Variants in SBF1 observed in about 807,000 individuals in gnomAD.
The protein encoded by SBF1 is SET binding factor 1, also known as myotubularin-related protein 5.
In SBF1, 65 loss-of-function variants were observed where a neutral mutation model predicts 215.8. The observed-to-expected ratio is 0.30, with a 90% confidence interval of 0.25 to 0.37. The LOEUF (loss-of-function observed/expected upper bound fraction) is 0.37. SBF1 is among the 10% of genes least tolerant of loss of function. SBF1 has a pLI of 1.00. For synonymous variants in SBF1, 1,410 were observed against 1,122.8 expected, an observed-to-expected ratio of 1.26 and a Z score of -5.11; for missense variants, 2,634 against 2,667.8, an observed-to-expected ratio of 0.99 and a Z score of 0.28.
intron 36 of SBF1, among the ~76,000 whole-genome samples, chr22:50,450,846 G>A (rs565917720): frequency 2.6e-5 from 4 of 152,006 alleles, no homozygotes; most frequent in African/African-American, 7.3e-5. Context: ...AGTGGCTCCC[G>A]CCTGTAAGCC....
chr22:50,455,905 C>G (rs539275798), intron 31 of SBF1: 8 of 560,350 alleles, frequency 1.4e-5, no homozygotes, highest in African/African-American at 1.3e-4. Context: ...TACCCACCCC[C>G]GAGAGAATGC....
At chr22:50,451,166 C>CAAAAAAAAAAA (rs58188399) in intron 36 of SBF1, among the ~76,000 whole-genome samples, 2 of 83,178 alleles carry the variant, frequency 2.4e-5, no homozygotes, top group African/African-American at 1.1e-4. Flanking sequence ...CCCATCTCTA[C>CAAAAAAAAAAA]AAAAAAAAAA....
chr22:50,467,186 A>G, intron 5 of SBF1, 152 bp downstream of exon 5: 1 of 652,088 alleles, frequency 1.5e-6, no homozygotes, highest in Non-Finnish European at 2.7e-6. Context: ...TAAGCAGGCC[A>G]GGACTGTTGG....
intron 28 of SBF1, among the ~76,000 whole-genome samples, chr22:50,458,047 C>T (rs566376219): frequency 1.3e-5 from 2 of 152,174 alleles, no homozygotes; most frequent in Non-Finnish European, 2.9e-5. Flanking sequence ...CGCCTGTAAT[C>T]CCAGCACTTT....
chr22:50,464,608 G>A lies in SBF1; in HGVS notation c.1562C>T (p.Ala521Val), dbSNP rs754774196. The A allele has an allele frequency of 1.2e-6, 2 of 1,611,518 alleles. No individual in the cohort carries two copies. The highest frequency in any genetic ancestry group is 2.2e-5 in the East Asian group (1 of 44,880). The change falls in exon 14 of 41, where the codon GCA becomes GTA. Residue 521 changes from alanine to valine, a missense_variant. Physicochemically the swap from Ala to Val is moderately conservative, Grantham distance 64 (BLOSUM62 0). Transcript: ENST00000380817. ...TGGGGGTGCACCCTGCATCTTGGCT[G>A]CAGCCTGGTCCACGATCCACTGCAC... ...GTVQWIVDQAAAKMQGAPPAV... is the reference protein window; with the variant it reads ...GTVQWIVDQAVAKMQGAPPAV...
rs372070515 is a variant in SBF1 at position 50,446,828 on chromosome 22, T to A, written c.*314A>T. The A allele has an allele frequency of 1.4e-6, 1 of 701,260 alleles. No individual in the cohort carries two copies. The highest frequency in any genetic ancestry group is 2.8e-5 in the East Asian group (1 of 36,200). The allele number at this position is 701,260 out of a possible 1,614,324, so 43.4% of individuals were successfully genotyped here. ...GCGTGGCGTTAGTTCTCTCTTTATA[T>A]AGACTCTGGTTCTAGAAACTCGCCT... On this transcript the variant is annotated 3_prime_UTR_variant, in exon 41 of 41. Transcript: ENST00000380817.
chr22:50,472,511 G>A (rs543370705), intron 1 of SBF1, among the ~76,000 whole-genome samples: 1 of 152,168 alleles, frequency 6.6e-6, no homozygotes, highest in African/African-American at 2.4e-5. Flanking sequence ...CTGCTGCTCA[G>A]TCACTAATGA....
chr22:50,460,824 G>A, intron 23 of SBF1, 112 bp from the exon 24 acceptor site: 10 of 1,220,414 alleles, frequency 8.2e-6, no homozygotes, highest in South Asian at 1.4e-5. Context: ...GAGAGAAGCA[G>A]GCCCCAGGCA....
rs2066717356 is a variant in SBF1 at position 50,445,062 on chromosome 22, C to T, written c.*2080G>A. ...GACAGGGCACCCCAAACCCCCAACT[C>T]CCAATAAAAGCCGTGACGTTCGGAC... On this transcript the variant is annotated 3_prime_UTR_variant, in exon 41 of 41. Coordinates refer to ENST00000380817, the MANE Select transcript of SBF1 (RefSeq NM_002972.4). The T allele has an allele frequency of 6.5e-6, 1 of 152,760 alleles. No homozygotes were observed. The highest frequency in any genetic ancestry group is 2.4e-5 in the African/African-American group (1 of 41,456). The allele number at this position is 152,760 out of a possible 1,614,324, so 9.5% of individuals were successfully genotyped here.
At position 50,456,219 on chromosome 22, in the gene SBF1, G is replaced by A. The variant is rs757499476; in HGVS notation, c.4263C>T (p.Ile1421=). The A allele has an allele frequency of 4.2e-5, 67 of 1,611,300 alleles. No individual in the cohort carries two copies. The highest frequency in any genetic ancestry group is 2.7e-4 in the East Asian group (12 of 44,878). Residue 1421 remains isoleucine (I), a synonymous_variant, in exon 31 of 41, where the codon ATC becomes ATT. Transcript: ENST00000380817. Reference sequence around the variant, plus strand: ...AGGGACGGGGCAGTGCAGAGACCTGGATCAGCCACTCTGAGTCCTCCAGTG... The same window carrying A: ...AGGGACGGGGCAGTGCAGAGACCTGAATCAGCCACTCTGAGTCCTCCAGTG... ...LRSLEDSEWL[I]QIHKLLQVSV... is the part of the protein sequence containing the mutation.
chr22:50,455,695 CAGCCCCCCA>C, intron 31 of SBF1, 113 bp from the exon 32 acceptor site: 1 of 853,898 alleles, frequency 1.2e-6, no homozygotes, highest in South Asian at 1.6e-5. Flanking sequence ...GCCCTGTCCA[CAGCCCCCCA>C]AGCCCTGTAT....
intron 36 of SBF1, among the ~76,000 whole-genome samples, chr22:50,454,266 G>A (rs1051799045): frequency 1.4e-4 from 22 of 152,192 alleles, no homozygotes; most frequent in African/African-American, 4.8e-4. Flanking sequence ...AGACCTGAGG[G>A]TCTCTGATGA....
At chr22:50,473,921 G>A (rs1287578153) in intron 1 of SBF1, among the ~76,000 whole-genome samples, 1 of 152,238 alleles carries the variant, frequency 6.6e-6, no homozygotes, top group Non-Finnish European at 1.5e-5. Context: ...GGCAACCCCG[G>A]TGGGCTGCTG....
In SBF1 at chr22:50,456,528, T is replaced by G. The variant is rs1324541689; in HGVS notation, c.4050A>C (p.Ala1350=). The G allele has an allele frequency of 8.4e-6, 12 of 1,425,740 alleles. No individual in the cohort carries two copies. The highest frequency in any genetic ancestry group is 1.1e-5 in the Non-Finnish European group (12 of 1,066,680). The allele number at this position is 1,425,740 out of a possible 1,614,324, so 88.3% of individuals were successfully genotyped here. ...PDPGFLRPQR[A]ALYILGDKAQ... ...CTTTGTCCCCAAGGATATAGAGGGC[T>G]GCTCGCTGCGGACGCAGGAAGCCCG... Residue 1350 remains alanine, a synonymous_variant, in exon 30 of 41, where the codon GCA becomes GCC. Coordinates refer to ENST00000380817, the MANE Select transcript of SBF1 (RefSeq NM_002972.4).
At chr22:50,464,291 C>T (rs1301471693) in intron 15 of SBF1, 38 bp downstream of exon 15, 6 of 1,549,124 alleles carry the variant, frequency 3.9e-6, no homozygotes, top group South Asian at 3.5e-5. Flanking sequence ...CTCTGAAACC[C>T]GCTGCCCTGG....
intron 28 of SBF1, among the ~76,000 whole-genome samples, chr22:50,458,344 G>A (rs1258260400): frequency 1.3e-5 from 2 of 149,330 alleles, no homozygotes; most frequent in Non-Finnish European, 1.5e-5. Flanking sequence ...GGGACTAGAA[G>A]CCACGACTAC....
chr22:50,456,981 G>C (rs761378387), intron 29 of SBF1, 53 bp downstream of exon 29: 8 of 1,339,610 alleles, frequency 6.0e-6, no homozygotes, highest in African/African-American at 1.5e-5. Flanking sequence ...GCACACTAGA[G>C]GCCGCCAGCA....
chr22:50,458,894 G>C (rs1031998888), intron 28 of SBF1, among the ~76,000 whole-genome samples: 8 of 152,230 alleles, frequency 5.3e-5, no homozygotes, highest in African/African-American at 1.9e-4. Flanking sequence ...CACTGGGAGG[G>C]AACAGGACAG....
In SBF1 at chr22:50,462,931, G is replaced by C. The variant is rs1327921419; in HGVS notation, c.1907C>G (p.Thr636Ser). Residue 636 changes from threonine (T) to serine (S), a missense_variant, in exon 17 of 41, where the codon ACT (threonine) becomes AGT (serine). Transcript: ENST00000380817. ...RMMNCCLQDC[T>S]SLDEHGIAAA... ...CGCAATGCCATGCTCGTCCAGAGAA[G>C]TGCAGTCCTGCAGGTAGAGCGAGAG... 2 of 1,612,870 alleles carry C rather than the reference G, an allele frequency of 1.2e-6. No homozygotes were observed. Among genetic ancestry groups the C allele is most frequent in the Non-Finnish European group, 1.7e-6 (2 of 1,179,766 alleles).
Sources: allele counts gnomAD v4.1 joint callset (sites outside exome capture counted in the v4.1 genomes callset), GRCh38; gene constraint gnomAD v4.1.1; transcripts MANE v1.5; gene names NCBI Gene and HGNC (gene_info 2026-07-23, HGNC 2026-07-21).